The following PTCSC3 variants were observed in gnomAD, a reference collection of about 807,000 sequenced individuals.
The protein encoded by PTCSC3 is papillary thyroid carcinoma susceptibility candidate 3, also known as papillary thyroid carcinoma susceptibility candidate 3 (non-protein coding).
At chr14:36,147,963 G>T (rs1293129580) in intron 3 of PTCSC3, among the ~76,000 whole-genome samples, 1 of 152,144 alleles carries the variant, frequency 6.6e-6, no homozygotes. Context: ...GTGCCTCCCA[G>T]TTAGACTGCT....
intron 1 of PTCSC3, among the ~76,000 whole-genome samples, chr14:36,165,841 C>T (rs1312727986): frequency 2.0e-5 from 3 of 150,246 alleles, no homozygotes; most frequent in Middle Eastern, 3.2e-3. Context: ...TCACATTTGG[C>T]GAGGCAAGTA....
chr14:36,171,473 G>C (rs556874451), intron 1 of PTCSC3, among the ~76,000 whole-genome samples: 3 of 152,276 alleles, frequency 2.0e-5, no homozygotes, highest in African/African-American at 4.8e-5. Flanking sequence ...GTATGAGGAA[G>C]AAAAATGTAA....
intron 3 of PTCSC3, among the ~76,000 whole-genome samples, chr14:36,153,622 C>T (rs1164522710): frequency 6.6e-6 from 1 of 152,046 alleles, no homozygotes; most frequent in Admixed American, 6.6e-5. Flanking sequence ...AGGTTTACAC[C>T]CAACAGAAAC....
chr14:36,174,153 G>GC, intron 1 of PTCSC3, among the ~76,000 whole-genome samples: 1 of 151,948 alleles, frequency 6.6e-6, no homozygotes, highest in Admixed American at 6.5e-5. Context: ...GGAGTTCGGG[G>GC]CCATGATTTC....
intron 3 of PTCSC3, among the ~76,000 whole-genome samples, chr14:36,140,715 GT>G (rs1270469416): frequency 6.6e-6 from 1 of 152,014 alleles, no homozygotes. Flanking sequence ...TCTCTTAAGA[GT>G]TTTTTAGAGC....
At chr14:36,153,670 T>G (rs1881770566) in intron 3 of PTCSC3, 1 of 152,192 alleles carries the variant, frequency 6.6e-6, no homozygotes, top group African/African-American at 2.4e-5. Context: ...TTCGAGAATG[T>G]CCATAGCAGT....
intron 3 of PTCSC3, among the ~76,000 whole-genome samples, chr14:36,148,471 C>G (rs574082153): frequency 2.0e-5 from 3 of 152,336 alleles, no homozygotes; most frequent in Admixed American, 6.5e-5. Context: ...AAAGGGAACT[C>G]CCTGACCCCT....
chr14:36,142,825 A>T (rs1392584633), intron 3 of PTCSC3, among the ~76,000 whole-genome samples: 2 of 115,234 alleles, frequency 1.7e-5, no homozygotes, highest in Non-Finnish European at 3.3e-5. Context: ...ACCCCACAAC[A>T]GTCCCCAGAC....
intron 2 of PTCSC3, among the ~76,000 whole-genome samples, chr14:36,157,903 T>C (rs1489444735): frequency 6.7e-6 from 1 of 150,250 alleles, no homozygotes; most frequent in African/African-American, 2.5e-5. Flanking sequence ...GGAATGCTTT[T>C]CCATTTGTTT....
At chr14:36,150,222 T>C (rs1000821877) in intron 3 of PTCSC3, among the ~76,000 whole-genome samples, 1 of 152,124 alleles carries the variant, frequency 6.6e-6, no homozygotes, top group Admixed American at 6.5e-5. Flanking sequence ...CCCTCCAAGA[T>C]GATAGTATTA....
intron 3 of PTCSC3, among the ~76,000 whole-genome samples, chr14:36,149,642 G>C (rs975091038): frequency 1.8e-4 from 27 of 151,964 alleles, no homozygotes; most frequent in African/African-American, 6.5e-4. Context: ...AATGTATTCT[G>C]GTTCTCTGAA....
chr14:36,157,663 G>C (rs1881859176), intron 2 of PTCSC3, among the ~76,000 whole-genome samples: 1 of 151,970 alleles, frequency 6.6e-6, no homozygotes, highest in Admixed American at 6.6e-5. Context: ...TTTCCCCATT[G>C]CTTGTTTTGA....
Position 36,153,264 on chromosome 14 carries a change from C to G in PTCSC3, n.322+540G>C, listed in dbSNP as rs114883169. The stretch of plus-strand genomic sequence containing the variant: ...TAATTACTCCTAAAAGTTCTATCTC[C>G]TAATACCATCATATTGGGGGTTAGG... On this transcript the variant is annotated intron_variant and non_coding_transcript_variant, in intron 3 of 3. Coordinates refer to ENST00000556013, the Ensembl canonical transcript of PTCSC3. 1.8e-3 allele frequency among the ~76,000 whole-genome samples: 272 copies of G among 152,274 alleles called. 3 individuals are homozygous for G. The highest frequency in any genetic ancestry group is 6.1e-3 in the African/African-American group (254 of 41,544).
intron 3 of PTCSC3, among the ~76,000 whole-genome samples, chr14:36,140,990 A>G (rs1393767437): frequency 6.6e-6 from 1 of 152,184 alleles, no homozygotes; most frequent in East Asian, 1.9e-4. Context: ...TGAAAAGACT[A>G]TCTTTTCTCC....
rs557109584 is a variant in PTCSC3 at position 36,151,405 on chromosome 14, C to G, written n.322+2399G>C. Among the ~76,000 whole-genome samples the G allele has an allele frequency of 2.6e-5, 4 of 152,056 alleles. No homozygotes were observed. In the East Asian group the frequency reaches 7.7e-4, roughly 29 times the overall value. On this transcript the variant is annotated intron_variant and non_coding_transcript_variant, in intron 3 of 3. Transcript: ENST00000556013. ...TTGGTATTCTCTGAGCTTTCTCGAT[C>G]TTTGGCTTGGTGTTTCTTATTAATT...
At chr14:36,135,317 A>G (rs1160979520), downstream of PTCSC3, among the ~76,000 whole-genome samples, 1 of 152,170 alleles carries the variant, frequency 6.6e-6, no homozygotes, top group Non-Finnish European at 1.5e-5. Flanking sequence ...AATTTACCCT[A>G]AAGAGCCCCT....
At chr14:36,157,987 G>A (rs193023579) in intron 2 of PTCSC3, among the ~76,000 whole-genome samples, 284 of 152,258 alleles carry the variant, frequency 1.9e-3, no homozygotes, top group African/African-American at 6.4e-3. Flanking sequence ...CTTGTAAGTT[G>A]GATTCCTAGG....
At chr14:36,165,622 G>A (rs1474012839) in intron 1 of PTCSC3, among the ~76,000 whole-genome samples, 1 of 151,640 alleles carries the variant, frequency 6.6e-6, no homozygotes, top group Non-Finnish European at 1.5e-5. Context: ...TAGCGTTTTA[G>A]ATATTTTAAC....
chr14:36,167,459 C>A (rs1882111547), intron 1 of PTCSC3, among the ~76,000 whole-genome samples: 1 of 152,084 alleles, frequency 6.6e-6, no homozygotes, highest in Non-Finnish European at 1.5e-5. Context: ...AAGACTGAAC[C>A]CATTTTAACT....
Sources: allele counts gnomAD v4.1 joint callset (sites outside exome capture counted in the v4.1 genomes callset), GRCh38; gene constraint gnomAD v4.1.1; transcripts MANE v1.5; gene names NCBI Gene and HGNC (gene_info 2026-07-23, HGNC 2026-07-21).